SLC2A9: variants seen among roughly 807,000 people sequenced by gnomAD.
SLC2A9 encodes the protein solute carrier family 2 member 9.
In SLC2A9, 39 loss-of-function variants were observed where a neutral mutation model predicts 50.6. The observed-to-expected ratio is 0.77, with a 90% CI of 0.60 to 1.01. SLC2A9 has a LOEUF of 1.01. SLC2A9 is among the 50% of genes least tolerant of loss of function. The pLI, the probability that SLC2A9 is intolerant of heterozygous loss-of-function variation, is 0.00. For synonymous variants in SLC2A9, 324 were observed against 276.9 expected (o/e 1.17, Z -1.69); for missense variants, 686 against 677.6 (o/e 1.01, Z -0.14).
In SLC2A9 at chr4:9,888,945, G is replaced by T. The variant is rs142072700; in HGVS notation, c.1216-1303C>A. ...ACTCACTAATTCAGCTGATTGATCC[G>T]AGCTGCCCCTGGGTGCCAGGCACTG... On this transcript the variant is annotated intron_variant, in intron 9 of 11. Coordinates refer to ENST00000264784, the MANE Select transcript of SLC2A9 (RefSeq NM_020041.3). Among the ~76,000 whole-genome samples, 6 of 152,236 alleles carry T rather than the reference G, an allele frequency of 3.9e-5. No individual in the cohort carries two copies. The South Asian group carries it at 1.2e-3, about 32-fold the overall frequency.
At chr4:9,918,673 G>A (rs1029561375) in intron 7 of SLC2A9, among the ~76,000 whole-genome samples, 1 of 152,230 alleles carries the variant, frequency 6.6e-6, no homozygotes, top group African/African-American at 2.4e-5. Flanking sequence ...TGCACTTGAT[G>A]AGGTTTGCAG....
At chr4:9,846,064 G>A (rs539483987) in intron 10 of SLC2A9, among the ~76,000 whole-genome samples, 1 of 152,296 alleles carries the variant, frequency 6.6e-6, no homozygotes, top group African/African-American at 2.4e-5. Flanking sequence ...CCATTTAACG[G>A]TGAAGAAGTT....
At chr4:9,900,356 A>G (rs1739373477) in intron 8 of SLC2A9, among the ~76,000 whole-genome samples, 1 of 152,112 alleles carries the variant, frequency 6.6e-6, no homozygotes, top group Non-Finnish European at 1.5e-5. Flanking sequence ...GGAAGTAAAG[A>G]CTCAGGAGCA....
intron 3 of SLC2A9, among the ~76,000 whole-genome samples, chr4:9,817,842 C>T (rs1327146382): frequency 6.6e-6 from 1 of 152,202 alleles, no homozygotes; most frequent in Non-Finnish European, 1.5e-5. Flanking sequence ...TCCTGTTCTG[C>T]AAGAGCAGCA....
In SLC2A9 at chr4:9,902,596, G is replaced by C. The variant is rs536347723; in HGVS notation, c.1113+5639C>G. The stretch of plus-strand genomic sequence containing the variant: ...AAGATCAAAGTGTCTGCAGGGCCCT[G>C]CCTCTGGAGGCGCCAGGGAAGGGTC... On this transcript the variant is annotated intron_variant, in intron 8 of 11. Coordinates refer to ENST00000264784, the MANE Select transcript of SLC2A9 (RefSeq NM_020041.3). Among the ~76,000 whole-genome samples, 22 of 152,312 alleles carry C rather than the reference G, an allele frequency of 1.4e-4. No individual in the cohort carries two copies. The East Asian group carries it at 4.1e-3, about 28-fold the overall frequency.
chr4:9,953,950 C>T (rs1179992407), intron 5 of SLC2A9, among the ~76,000 whole-genome samples: 1 of 152,214 alleles, frequency 6.6e-6, no homozygotes, highest in Non-Finnish European at 1.5e-5. Context: ...GCTGGGATTA[C>T]AGGCATGAGC....
chr4:9,864,867 A>G (rs1037245358), intron 10 of SLC2A9, among the ~76,000 whole-genome samples: 1 of 152,252 alleles, frequency 6.6e-6, no homozygotes, highest in African/African-American at 2.4e-5. Context: ...GAGGATCTTC[A>G]GATAGGGAGA....
At chr4:9,873,778 G>A (rs998911088) in intron 10 of SLC2A9, among the ~76,000 whole-genome samples, 31 of 152,320 alleles carry the variant, frequency 2.0e-4, no homozygotes, top group African/African-American at 3.1e-4. Flanking sequence ...TAACTCTTGC[G>A]AGCAATAATA....
At chr4:10,033,334 G>C (rs769357604) in intron 1 of SLC2A9, among the ~76,000 whole-genome samples, 2 of 152,038 alleles carry the variant, frequency 1.3e-5, no homozygotes, top group Non-Finnish European at 2.9e-5. Context: ...TCTACTCCCA[G>C]GCGGCTTCCT....
chr4:9,794,329 T>A (rs1178466634), downstream of SLC2A9, among the ~76,000 whole-genome samples: 1 of 152,206 alleles, frequency 6.6e-6, no homozygotes, highest in Non-Finnish European at 1.5e-5. Context: ...TAATTTTTTG[T>A]ATTTTTAGTA....
chr4:9,916,053 T>C (rs1742797325), intron 7 of SLC2A9, among the ~76,000 whole-genome samples: 1 of 152,174 alleles, frequency 6.6e-6, no homozygotes, highest in South Asian at 2.1e-4. Context: ...TCCTTCCCCT[T>C]GTTCCTCCCA....
chr4:9,861,064 G>T lies in SLC2A9; in HGVS notation c.1292-26056C>A, dbSNP rs190799812. ...CTCTTCTGAGCACTTATTGCTACACGTATTAGTCTGTTCTCCCATTGCTAT... is the reference window on the plus strand; with the variant it reads ...CTCTTCTGAGCACTTATTGCTACACTTATTAGTCTGTTCTCCCATTGCTAT... On this transcript the variant is annotated intron_variant, in intron 10 of 11. Transcript: ENST00000264784. Among the ~76,000 whole-genome samples the T allele has an allele frequency of 2.5e-3, 385 of 152,220 alleles. 1 individual carries two copies. Among genetic ancestry groups the T allele is most frequent in the South Asian group, 5.2e-3 (25 of 4,814 alleles).
chr4:9,989,155 C>G (rs965593648), intron 3 of SLC2A9, among the ~76,000 whole-genome samples: 2 of 152,178 alleles, frequency 1.3e-5, no homozygotes, highest in African/African-American at 4.8e-5. Flanking sequence ...CTTGGCTCAT[C>G]CCTTTAAATA....
At chr4:9,998,688 T>C (rs1759199117) in intron 2 of SLC2A9, among the ~76,000 whole-genome samples, 1 of 152,132 alleles carries the variant, frequency 6.6e-6, no homozygotes, top group South Asian at 2.1e-4. Context: ...CCCTAGGATA[T>C]ATGTACTCAG....
intron 2 of SLC2A9, among the ~76,000 whole-genome samples, chr4:10,002,343 G>A (rs368914615): frequency 1.3e-3 from 193 of 152,190 alleles, no homozygotes; most frequent in South Asian, 8.9e-3. Context: ...TCACCCTCAC[G>A]ACAACCCTAG....
intron 1 of SLC2A9, chr4:10,035,344 G>C (rs966614587): frequency 4.6e-5 from 7 of 152,254 alleles, no homozygotes; most frequent in African/African-American, 1.4e-4. Context: ...TTCACTCTCA[G>C]ATCAGGGATG....
chr4:9,885,615 A>C (rs1420859305), intron 10 of SLC2A9, among the ~76,000 whole-genome samples: 1 of 152,190 alleles, frequency 6.6e-6, no homozygotes, highest in African/African-American at 2.4e-5. Flanking sequence ...TTCCCTCTCT[A>C]ACAAGTACTT....
intron 2 of SLC2A9, among the ~76,000 whole-genome samples, chr4:10,010,987 T>A (rs893614835): frequency 6.6e-6 from 1 of 152,182 alleles, no homozygotes; most frequent in South Asian, 2.1e-4. Flanking sequence ...CCTACAATCA[T>A]AGGAAGTGCG....
chr4:9,854,791 T>C (rs1031395519), intron 10 of SLC2A9, among the ~76,000 whole-genome samples: 2 of 152,220 alleles, frequency 1.3e-5, no homozygotes, highest in African/African-American at 4.8e-5. Context: ...ATCCCTGGGA[T>C]GTAAGATTCC....
Sources: gnomAD v4.1 joint callset for allele counts (sites outside exome capture counted in the v4.1 genomes callset) on GRCh38, gnomAD v4.1.1 for gene constraint, MANE v1.5 for transcripts, NCBI Gene and HGNC (gene_info 2026-07-23, HGNC 2026-07-21) for gene names.